The following PARN variants were observed in gnomAD, a reference collection of about 807,000 sequenced individuals.
The protein encoded by PARN is poly(A)-specific ribonuclease PARN.
A neutral mutation model predicts 102.8 loss-of-function variants in PARN; 71 were observed. The observed-to-expected ratio is 0.69, with a 90% CI of 0.57 to 0.84. The LOEUF is 0.84. PARN is among the 40% of genes least tolerant of loss of function. The pLI is 0.00. For missense variants in PARN, 782 were observed against 760.9 expected (o/e 1.03, Z -0.33); for synonymous variants, 261 against 252.9 (o/e 1.03, Z -0.30).
intron 21 of PARN, among the ~76,000 whole-genome samples, chr16:14,498,461 G>A (rs1964429922): frequency 6.6e-6 from 1 of 152,114 alleles, no homozygotes; most frequent in Non-Finnish European, 1.5e-5. Context: ...CCAGGATGCT[G>A]CGCTATGAAC....
intron 21 of PARN, among the ~76,000 whole-genome samples, chr16:14,515,582 G>T (rs1313785273): frequency 2.0e-5 from 3 of 152,094 alleles, no homozygotes; most frequent in South Asian, 2.1e-4. Flanking sequence ...CTAAAAAAGA[G>T]ATGAAAAGCT....
intron 21 of PARN, among the ~76,000 whole-genome samples, chr16:14,550,135 G>A (rs1056001320): frequency 6.6e-6 from 1 of 152,190 alleles, no homozygotes; most frequent in African/African-American, 2.4e-5. Context: ...AAGCCTCACT[G>A]TAACTGTAAC....
chr16:14,446,969 C>A lies in PARN; in HGVS notation c.1783G>T (p.Asp595Tyr), dbSNP rs767702074. The A allele has an allele frequency of 8.1e-6, 13 of 1,613,598 alleles. No homozygotes were observed. The East Asian group carries it at 1.1e-4, about 14-fold the overall frequency. ...TCTGAGAGGGGCTCTGCACAGGAAT[C>A]GGTCTGCTCAAGCTCAGTGTCGGAA... ...EISDTELEQT[D>Y]SCAEPLSEGR... The change falls in exon 23 of 24, where the codon GAT becomes TAT. Residue 595 changes from aspartate (D) to tyrosine (Y), a missense_variant. Transcript: ENST00000437198.
chr16:14,482,347 G>C (rs1963427673), intron 22 of PARN, among the ~76,000 whole-genome samples: 1 of 151,824 alleles, frequency 6.6e-6, no homozygotes, highest in South Asian at 2.1e-4. Context: ...AGCTGTGATT[G>C]TGCCACTGCA....
chr16:14,440,128 G>T (rs1245736698), intron 23 of PARN, among the ~76,000 whole-genome samples: 1 of 152,054 alleles, frequency 6.6e-6, no homozygotes, highest in East Asian at 1.9e-4. Context: ...CTTGTATCCA[G>T]AATCTATAAA....
Position 14,621,666 on chromosome 16 carries a change from G to T in PARN, c.328-4016C>A, listed in dbSNP as rs184291881. Reference sequence around the variant, plus strand: ...TCTCTACTAAAAATACAAAAAATTAGCTGGGCATGGTGGCAGCGCCTGTAG... The same window carrying T: ...TCTCTACTAAAAATACAAAAAATTATCTGGGCATGGTGGCAGCGCCTGTAG... On this transcript the variant is annotated intron_variant, in intron 5 of 23. Coordinates refer to ENST00000437198, the MANE Select transcript of PARN (RefSeq NM_002582.4). 7.0e-3 allele frequency among the ~76,000 whole-genome samples: 1,063 copies of T among 152,116 alleles called. 6 individuals carry two copies. Among genetic ancestry groups the T allele is most frequent in the Non-Finnish European group, 0.01 (701 of 67,996 alleles).
At chr16:14,613,047 C>T (rs1391492057) in intron 6 of PARN, among the ~76,000 whole-genome samples, 11 of 151,980 alleles carry the variant, frequency 7.2e-5, no homozygotes, top group Non-Finnish European at 8.8e-5. Flanking sequence ...CGGTGGCTCA[C>T]GCCTGTAATC....
chr16:14,580,261 C>T (rs539346530), intron 18 of PARN, among the ~76,000 whole-genome samples: 11 of 151,324 alleles, frequency 7.3e-5, no homozygotes, highest in African/African-American at 2.2e-4. Context: ...TGAGCCACCG[C>T]GCCTGGCCAG....
intron 22 of PARN, among the ~76,000 whole-genome samples, chr16:14,468,463 A>AAG (rs72303644): frequency 0.086 from 13,137 of 152,132 alleles, 958 homozygotes; most frequent in African/African-American, 0.2. Flanking sequence ...AGAGGAGGGA[A>AAG]AGAGAAGGAA....
At chr16:14,508,919 T>A (rs1049825608) in intron 21 of PARN, among the ~76,000 whole-genome samples, 16 of 150,778 alleles carry the variant, frequency 1.1e-4, no homozygotes, top group South Asian at 4.2e-4. Context: ...TATATATATA[T>A]AATTCAAAGT....
intron 18 of PARN, among the ~76,000 whole-genome samples, chr16:14,559,016 G>A (rs1053481000): frequency 3.3e-5 from 5 of 152,074 alleles, no homozygotes; most frequent in Middle Eastern, 6.8e-3. Flanking sequence ...GGCTGGGAGG[G>A]AGAAAAATAT....
chr16:14,595,587 C>T (rs961592543), intron 12 of PARN, among the ~76,000 whole-genome samples: 2 of 151,634 alleles, frequency 1.3e-5, no homozygotes, highest in African/African-American at 2.4e-5. Flanking sequence ...GGCTGGAGTG[C>T]GGTGGCATAA....
intron 12 of PARN, among the ~76,000 whole-genome samples, chr16:14,598,239 C>T (rs1462286451): frequency 6.6e-6 from 1 of 151,878 alleles, no homozygotes; most frequent in Non-Finnish European, 1.5e-5. Context: ...TTTAAATGTC[C>T]GGATCGCTAA....
At chr16:14,609,331 G>A (rs1971377378) in intron 7 of PARN, among the ~76,000 whole-genome samples, 1 of 152,148 alleles carries the variant, frequency 6.6e-6, no homozygotes, top group Non-Finnish European at 1.5e-5. Flanking sequence ...TTGGGAGGTC[G>A]ACGTTGGGTG....
intron 18 of PARN, 109 bp from the exon 19 acceptor site, chr16:14,555,818 T>G: frequency 1.9e-6 from 1 of 528,020 alleles, no homozygotes; most frequent in South Asian, 3.3e-5. Flanking sequence ...GCATTTATTA[T>G]ATCTTTTGTA....
At chr16:14,577,911 G>A (rs554097879) in intron 18 of PARN, among the ~76,000 whole-genome samples, 171 of 149,344 alleles carry the variant, frequency 1.1e-3, no homozygotes, top group Non-Finnish European at 1.8e-3. Flanking sequence ...CAGGTGATCC[G>A]CCCGCCTCAG....
Position 14,552,054 on chromosome 16 carries a change from C to T in PARN, c.1447G>A (p.Val483Ile). 1.2e-6 allele frequency: 2 copies of T among 1,612,648 alleles called. No individual in the cohort carries two copies. The highest frequency in any genetic ancestry group is 1.7e-6 in the Non-Finnish European group (2 of 1,178,942). Residue 483 changes from valine (V) to isoleucine (I), a missense_variant, in exon 21 of 24, where the codon GTT (valine) becomes ATT (isoleucine). Coordinates refer to ENST00000437198, the MANE Select transcript of PARN (RefSeq NM_002582.4). The part of the protein sequence containing the change: ...ISWIDDTSAF[V>I]SLSQPEQVKI... ...ACTTGCTCGGGCTGGCTAAGGGAAA[C>T]AAATGCTGATGTGTCATCAATCCAG...
intron 17 of PARN, among the ~76,000 whole-genome samples, chr16:14,581,612 T>A (rs1224612594): frequency 6.6e-6 from 1 of 152,074 alleles, no homozygotes; most frequent in African/African-American, 2.4e-5. Context: ...ACGAGGGAAT[T>A]AGTGCCCTTA....
chr16:14,566,241 T>A (rs905031632), intron 18 of PARN, among the ~76,000 whole-genome samples: 1 of 152,204 alleles, frequency 6.6e-6, no homozygotes, highest in Non-Finnish European at 1.5e-5. Context: ...ATTGATGATA[T>A]TATCTGGGAT....
Sources: gnomAD v4.1 joint callset for allele counts (sites outside exome capture counted in the v4.1 genomes callset) on GRCh38, gnomAD v4.1.1 for gene constraint, MANE v1.5 for transcripts, NCBI Gene and HGNC (gene_info 2026-07-23, HGNC 2026-07-21) for gene names.